The following CHST11 variants were observed in gnomAD, a reference collection of about 807,000 sequenced individuals.
CHST11 encodes carbohydrate sulfotransferase 11.
A neutral mutation model predicts 30.4 loss-of-function variants in CHST11; 9 were observed. The observed-to-expected ratio is 0.30, with a 90% confidence interval of 0.18 to 0.52. CHST11 has a LOEUF of 0.52. CHST11 is among the 20% of genes least tolerant of loss of function. The pLI, the probability that CHST11 is intolerant of heterozygous loss-of-function variation, is 0.97. For missense variants in CHST11, 348 were observed against 460.6 expected, an observed-to-expected ratio of 0.76 and a Z score of 2.24; for synonymous variants, 152 against 187.8, an observed-to-expected ratio of 0.81 and a Z score of 1.56.
At chr12:104,672,521 C>T (rs749198814) in intron 2 of CHST11, among the ~76,000 whole-genome samples, 16 of 152,236 alleles carry the variant, frequency 1.1e-4, no homozygotes, top group African/African-American at 2.2e-4. Context: ...ATTGATTCCA[C>T]GAGCAGGTGT....
At chr12:104,485,118 C>T (rs1383559253) in intron 1 of CHST11, among the ~76,000 whole-genome samples, 1 of 152,140 alleles carries the variant, frequency 6.6e-6, no homozygotes, top group Non-Finnish European at 1.5e-5. Flanking sequence ...AATTGCTGCT[C>T]CAGGACAGCG....
At chr12:104,625,407 C>T (rs1235807162) in intron 2 of CHST11, among the ~76,000 whole-genome samples, 1 of 152,144 alleles carries the variant, frequency 6.6e-6, no homozygotes, top group African/African-American at 2.4e-5. Context: ...CGGGTTCAAG[C>T]GATTCTCCTG....
intron 1 of CHST11, among the ~76,000 whole-genome samples, chr12:104,467,931 C>T (rs2037473560): frequency 6.6e-6 from 1 of 152,204 alleles, no homozygotes; most frequent in Non-Finnish European, 1.5e-5. Flanking sequence ...TAGGATTTGG[C>T]TGTTCCCTAT....
chr12:104,597,234 G>A (rs1312411398), intron 1 of CHST11, among the ~76,000 whole-genome samples: 3 of 152,122 alleles, frequency 2.0e-5, no homozygotes, highest in Non-Finnish European at 4.4e-5. Flanking sequence ...TTTATGTATC[G>A]TGGGAGATAT....
At chr12:104,464,208 C>T (rs993322600) in intron 1 of CHST11, among the ~76,000 whole-genome samples, 3 of 151,816 alleles carry the variant, frequency 2.0e-5, no homozygotes, top group Non-Finnish European at 2.9e-5. Context: ...GCTGGGATTA[C>T]AGGCATGCAC....
chr12:104,606,175 C>CAGG (rs1555235922), intron 2 of CHST11, among the ~76,000 whole-genome samples: 1 of 106,980 alleles, frequency 9.3e-6, no homozygotes, highest in African/African-American at 3.8e-5. Context: ...GGGCGGGGGG[C>CAGG]GGGGGGGGGA....
intron 2 of CHST11, among the ~76,000 whole-genome samples, chr12:104,649,810 G>A (rs2039474180): frequency 6.6e-6 from 1 of 152,234 alleles, no homozygotes; most frequent in Non-Finnish European, 1.5e-5. Context: ...ATAATGGGAT[G>A]GGGAATGCAG....
chr12:104,646,125 GA>G (rs1383667074), intron 2 of CHST11, among the ~76,000 whole-genome samples: 1 of 152,228 alleles, frequency 6.6e-6, no homozygotes, highest in African/African-American at 2.4e-5. Context: ...CCCTACAGGG[GA>G]GAAGTTGCAT....
At chr12:104,693,200 T>C (rs954491826) in intron 2 of CHST11, among the ~76,000 whole-genome samples, 19 of 152,210 alleles carry the variant, frequency 1.2e-4, no homozygotes, top group Non-Finnish European at 1.8e-4. Flanking sequence ...TAATTACCTC[T>C]TTCCAAATCT....
intron 2 of CHST11, among the ~76,000 whole-genome samples, chr12:104,622,749 A>G (rs1419592965): frequency 1.3e-5 from 2 of 152,226 alleles, no homozygotes; most frequent in Non-Finnish European, 2.9e-5. Flanking sequence ...AGGATAATGT[A>G]CCTACCTCAC....
intron 1 of CHST11, among the ~76,000 whole-genome samples, chr12:104,505,430 C>T (rs1447766668): frequency 6.6e-6 from 1 of 152,158 alleles, no homozygotes; most frequent in Non-Finnish European, 1.5e-5. Context: ...TAACTGCACT[C>T]ACTGGGTCCT....
At chr12:104,689,709 G>A (rs1378449386) in intron 2 of CHST11, among the ~76,000 whole-genome samples, 1 of 152,108 alleles carries the variant, frequency 6.6e-6, no homozygotes, top group African/African-American at 2.4e-5. Context: ...ACTGTCCTGG[G>A]AGAGACAGAG....
chr12:104,478,430 T>C (rs1268462445), intron 1 of CHST11, among the ~76,000 whole-genome samples: 1 of 152,192 alleles, frequency 6.6e-6, no homozygotes, highest in Admixed American at 6.5e-5. Context: ...TAAGCCTTTT[T>C]ATATCTGAAT....
At chr12:104,538,171 G>A (rs1226770839) in intron 1 of CHST11, among the ~76,000 whole-genome samples, 1 of 152,158 alleles carries the variant, frequency 6.6e-6, no homozygotes, top group African/African-American at 2.4e-5. Context: ...TGTCTTCATA[G>A]GCATGTGGCT....
intron 1 of CHST11, among the ~76,000 whole-genome samples, chr12:104,531,365 C>T (rs1271886472): frequency 1.3e-5 from 2 of 151,064 alleles, no homozygotes; most frequent in African/African-American, 2.4e-5. Flanking sequence ...TGGTCCATGC[C>T]GGTACTCCCA....
intron 1 of CHST11, among the ~76,000 whole-genome samples, chr12:104,557,374 A>G (rs2038467574): frequency 6.6e-6 from 1 of 152,314 alleles, no homozygotes; most frequent in South Asian, 2.1e-4. Flanking sequence ...AGGCCTTGGT[A>G]AAGGCTTTGG....
intron 1 of CHST11, among the ~76,000 whole-genome samples, chr12:104,559,495 C>A (rs1052280335): frequency 6.6e-6 from 1 of 152,228 alleles, no homozygotes; most frequent in African/African-American, 2.4e-5. Flanking sequence ...GTAATCCCAG[C>A]ACTTTGGGAG....
intron 1 of CHST11, among the ~76,000 whole-genome samples, chr12:104,584,082 G>C (rs896936889): frequency 6.6e-6 from 1 of 152,130 alleles, no homozygotes; most frequent in Non-Finnish European, 1.5e-5. Context: ...TTTTGTTGGG[G>C]AAATTCCAAC....
intron 1 of CHST11, among the ~76,000 whole-genome samples, chr12:104,554,108 C>G (rs1371751809): frequency 6.6e-6 from 1 of 152,070 alleles, no homozygotes; most frequent in Non-Finnish European, 1.5e-5. Flanking sequence ...ACGTTATAAT[C>G]TTATATAATG....
Sources: allele counts gnomAD v4.1 joint callset (sites outside exome capture counted in the v4.1 genomes callset), GRCh38; gene constraint gnomAD v4.1.1; transcripts MANE v1.5; gene names NCBI Gene and HGNC (gene_info 2026-07-23, HGNC 2026-07-21).